EYA4: variants seen among roughly 807,000 people sequenced by gnomAD.
EYA4 encodes EYA transcriptional coactivator and phosphatase 4, also known as protein phosphatase EYA4.
EYA4 carries 31 observed loss-of-function variants against 87.9 expected under a neutral mutation model. The ratio of observed to expected loss-of-function variants is 0.35; its 90% CI spans 0.27 to 0.48. The LOEUF is 0.48. EYA4 is among the 20% of genes least tolerant of loss of function. EYA4 has a pLI of 0.99. For synonymous variants in EYA4, 263 were observed against 270.6 expected, an observed-to-expected ratio of 0.97 and a Z score of 0.28; for missense variants, 678 against 761.4, an observed-to-expected ratio of 0.89 and a Z score of 1.29.
chr6:133,432,417 G>A (rs953274401), intron 3 of EYA4, among the ~76,000 whole-genome samples: 8 of 152,160 alleles, frequency 5.3e-5, no homozygotes, highest in Admixed American at 4.6e-4. Context: ...ATTGTGTTTG[G>A]ATCAGCTTTG....
At chr6:133,333,543 A>G (rs1217756654) in intron 2 of EYA4, among the ~76,000 whole-genome samples, 2 of 152,176 alleles carry the variant, frequency 1.3e-5, no homozygotes, top group African/African-American at 4.8e-5. Flanking sequence ...CATTATATCT[A>G]CTTGGTGACA....
intron 2 of EYA4, among the ~76,000 whole-genome samples, chr6:133,298,724 A>G (rs1779133053): frequency 6.6e-6 from 1 of 152,218 alleles, no homozygotes; most frequent in Admixed American, 6.5e-5. Flanking sequence ...TGCTCACAGC[A>G]GTTCCTGGCT....
At chr6:133,525,393 A>G (rs1800553135) in intron 19 of EYA4, 139 bp downstream of exon 19, 1 of 756,728 alleles carries the variant, frequency 1.3e-6, no homozygotes, top group African/African-American at 1.7e-5. Flanking sequence ...GAGAGGGTCA[A>G]TACTTACATT....
intron 5 of EYA4, among the ~76,000 whole-genome samples, 190 bp downstream of exon 5, chr6:133,448,369 A>AT (rs1178148808): frequency 6.6e-6 from 1 of 152,098 alleles, no homozygotes; most frequent in Non-Finnish European, 1.5e-5. Flanking sequence ...GTATTCTTAG[A>AT]TTTTTTTAGG....
At chr6:133,317,999 G>A (rs933521485) in intron 2 of EYA4, among the ~76,000 whole-genome samples, 25 of 151,792 alleles carry the variant, frequency 1.6e-4, no homozygotes, top group African/African-American at 5.6e-4. Context: ...TCTTATACAA[G>A]TGCAGCCTTT....
At chr6:133,405,689 G>A (rs1294719264) in intron 3 of EYA4, among the ~76,000 whole-genome samples, 1 of 152,122 alleles carries the variant, frequency 6.6e-6, no homozygotes, top group Non-Finnish European at 1.5e-5. Flanking sequence ...TTCCAGTGGA[G>A]AGAGGCAAGC....
intron 3 of EYA4, among the ~76,000 whole-genome samples, chr6:133,388,607 T>G (rs542560900): frequency 2.6e-5 from 4 of 152,272 alleles, no homozygotes; most frequent in Non-Finnish European, 5.9e-5. Flanking sequence ...TTTCTAAGAT[T>G]AAATGAATGG....
chr6:133,513,391 T>A (rs6929938), intron 16 of EYA4, among the ~76,000 whole-genome samples: 34,994 of 152,078 alleles, frequency 0.23, 5,394 homozygotes, highest in African/African-American at 0.43. Flanking sequence ...CTTTCTCAAG[T>A]AGAGAGCCTC....
chr6:133,245,645 G>A (rs1774346738), intron 1 of EYA4, among the ~76,000 whole-genome samples: 1 of 152,200 alleles, frequency 6.6e-6, no homozygotes, highest in African/African-American at 2.4e-5. Context: ...GGAGATGGGT[G>A]AGATGCAATA....
chr6:133,375,148 T>C (rs1213365415), intron 2 of EYA4, among the ~76,000 whole-genome samples: 1 of 151,992 alleles, frequency 6.6e-6, no homozygotes, highest in African/African-American at 2.4e-5. Flanking sequence ...TTTTAGCCAG[T>C]TGAGAAAGTG....
At chr6:133,331,679 G>A (rs747635685) in intron 2 of EYA4, among the ~76,000 whole-genome samples, 11 of 152,132 alleles carry the variant, frequency 7.2e-5, no homozygotes, top group Non-Finnish European at 1.5e-4. Flanking sequence ...CCAAGAAGAT[G>A]GCTTGATTTT....
intron 11 of EYA4, among the ~76,000 whole-genome samples, chr6:133,473,277 T>C (rs1246231974): frequency 6.6e-6 from 1 of 152,016 alleles, no homozygotes; most frequent in Non-Finnish European, 1.5e-5. Context: ...AACGATTATT[T>C]ATTGAGTATA....
intron 2 of EYA4, among the ~76,000 whole-genome samples, chr6:133,362,313 G>A (rs1219362952): frequency 3.3e-5 from 5 of 152,152 alleles, no homozygotes; most frequent in Non-Finnish European, 7.3e-5. Flanking sequence ...GCTCCCATAG[G>A]AAGCCATGGA....
intron 2 of EYA4, among the ~76,000 whole-genome samples, chr6:133,284,939 A>G (rs1777912310): frequency 6.6e-6 from 1 of 152,088 alleles, no homozygotes; most frequent in South Asian, 2.1e-4. Context: ...GGAGGATAGG[A>G]AGTGCTTGCG....
intron 11 of EYA4, among the ~76,000 whole-genome samples, chr6:133,477,623 A>T (rs1359349227): frequency 3.9e-5 from 6 of 152,014 alleles, no homozygotes; most frequent in Non-Finnish European, 5.9e-5. Flanking sequence ...TGGTAACCTG[A>T]AGAGTCCATT....
intron 11 of EYA4, among the ~76,000 whole-genome samples, chr6:133,481,023 G>C (rs1796170943): frequency 6.6e-6 from 1 of 152,026 alleles, no homozygotes; most frequent in Non-Finnish European, 1.5e-5. Flanking sequence ...GAAGATGAGA[G>C]AGGTGGAAGG....
intron 19 of EYA4, 129 bp from the exon 20 acceptor site, chr6:133,528,596 C>A: frequency 1.3e-6 from 1 of 793,320 alleles, no homozygotes; most frequent in Non-Finnish European, 2.3e-6. Context: ...TAAACTCTCT[C>A]CCCTGAACTT....
In EYA4 at chr6:133,530,294, G is replaced by T. The variant is rs928243767; in HGVS notation, c.*1489G>T. The T allele has an allele frequency of 1.1e-5, 11 of 985,292 alleles. No individual in the cohort carries two copies. In the African/African-American group the frequency reaches 1.7e-4, roughly 16 times the overall value. 61.0% of individuals were successfully genotyped at this position (985,292 alleles called of 1,614,324 possible). On this transcript the variant is annotated 3_prime_UTR_variant, in exon 20 of 20. Coordinates refer to ENST00000355286, the MANE Select transcript of EYA4 (RefSeq NM_004100.5). Reference sequence around the variant, plus strand: ...CCTGTATTGTCACTGCGCAACGGATGGCATTCATTACAAGAAGAGCCCATC... The same window carrying T: ...CCTGTATTGTCACTGCGCAACGGATTGCATTCATTACAAGAAGAGCCCATC...
At chr6:133,390,284 A>T (rs1482647322) in intron 3 of EYA4, among the ~76,000 whole-genome samples, 2 of 152,066 alleles carry the variant, frequency 1.3e-5, no homozygotes, top group Non-Finnish European at 2.9e-5. Context: ...CGGTGGCAGA[A>T]TCTCGGCTCA....
Sources: gnomAD v4.1 joint callset for allele counts (sites outside exome capture counted in the v4.1 genomes callset) on GRCh38, gnomAD v4.1.1 for gene constraint, MANE v1.5 for transcripts, NCBI Gene and HGNC (gene_info 2026-07-23, HGNC 2026-07-21) for gene names.